The following PSMB2 variants were observed in gnomAD, a reference collection of about 807,000 sequenced individuals.
The protein encoded by PSMB2 is proteasome subunit beta type-2.
PSMB2 carries 13 observed loss-of-function variants against 25.7 expected under a neutral mutation model. That is an observed-to-expected ratio of 0.51 (90% confidence interval 0.33 to 0.80). The LOEUF (loss-of-function observed/expected upper bound fraction) is 0.80. PSMB2 is among the 30% of genes least tolerant of loss of function. PSMB2 has a pLI of 0.02. For missense variants in PSMB2, 202 were observed against 259.0 expected (o/e 0.78, Z 1.51); for synonymous variants, 87 against 96.2 (o/e 0.90, Z 0.56).
intron 1 of PSMB2, 67 bp downstream of exon 1, chr1:35,641,275 C>G: frequency 6.3e-7 from 1 of 1,592,164 alleles, no homozygotes; most frequent in Non-Finnish European, 8.6e-7. Context: ...TTATTCAACC[C>G]CCGACAAACT....
At chr1:35,631,198 T>C in intron 3 of PSMB2, 76 bp downstream of exon 3, 1 of 1,477,216 alleles carries the variant, frequency 6.8e-7, no homozygotes, top group Non-Finnish European at 9.5e-7. Flanking sequence ...AAAATACTAC[T>C]CATGTATAAT....
At chr1:35,616,061 T>C (rs966062954) in intron 3 of PSMB2, among the ~76,000 whole-genome samples, 2 of 151,538 alleles carry the variant, frequency 1.3e-5, no homozygotes, top group African/African-American at 4.8e-5. Flanking sequence ...CAGACTTAGA[T>C]AGGATAGAAA....
rs1356673386 is a variant in PSMB2, at chr1:35,600,560, C to CT, written c.*2706_*2707insA. On this transcript the variant is annotated 3_prime_UTR_variant, in exon 6 of 6. Coordinates refer to ENST00000373237, the MANE Select transcript of PSMB2 (RefSeq NM_002794.5). ...TTTCTGACTTGGGCACTTGGGAAAC[C>CT]AGGTAGCTCTAATTCTCTAAGACAG... The CT allele has an allele frequency of 2.0e-6, 2 of 985,192 alleles. No homozygotes were observed. The highest frequency in any genetic ancestry group is 2.4e-6 in the Non-Finnish European group (2 of 829,898). The allele number at this position is 985,192 out of a possible 1,614,324, so 61.0% of individuals were successfully genotyped here. A position where few individuals can be genotyped will look rare whatever the true frequency, so the allele number is the denominator to read the frequency against.
At chr1:35,617,894 G>A (rs1437832611) in intron 3 of PSMB2, among the ~76,000 whole-genome samples, 1 of 152,212 alleles carries the variant, frequency 6.6e-6, no homozygotes, top group Non-Finnish European at 1.5e-5. Flanking sequence ...TCCCTCTGCT[G>A]ATCCAAGCCT....
At position 35,600,153 on chromosome 1, in the gene PSMB2, CA is replaced by C. The variant is rs1649947501; in HGVS notation, c.*3113del. The C allele has an allele frequency of 1.0e-6, 1 of 976,416 alleles. No individual in the cohort carries two copies. The highest frequency in any genetic ancestry group is 6.2e-5 in the Admixed American group (1 of 16,224). 60.5% of individuals were successfully genotyped at this position (976,416 alleles called of 1,614,324 possible). ...GCAAGACCCTGTCTCTGAAAAACAA[CA>C]ATAAAAAATTATAATAAAATTAAAA... On this transcript the variant is annotated 3_prime_UTR_variant, in exon 6 of 6. Transcript: ENST00000373237.
chr1:35,600,613 G>A lies in PSMB2; in HGVS notation c.*2654C>T. ...TGTCATAGAGGCGGTTTGGAGAGGG[G>A]CAGATGGTAAGGCTCAGCTTTAGAC... On this transcript the variant is annotated 3_prime_UTR_variant, in exon 6 of 6. Coordinates refer to ENST00000373237, the MANE Select transcript of PSMB2 (RefSeq NM_002794.5). 2.0e-6 allele frequency: 2 copies of A among 985,440 alleles called. No individual in the cohort carries two copies. The highest frequency in any genetic ancestry group is 4.7e-5 in the South Asian group (1 of 21,286). 61.0% of individuals were successfully genotyped at this position (985,440 alleles called of 1,614,324 possible).
Position 35,600,094 on chromosome 1 carries a change from G to C in PSMB2, c.*3173C>G. 1 of 850,472 alleles carries C rather than the reference G, an allele frequency of 1.2e-6. No individual in the cohort carries two copies. Among genetic ancestry groups the C allele is most frequent in the Non-Finnish European group, 1.4e-6 (1 of 707,272 alleles). 52.7% of individuals were successfully genotyped at this position (850,472 alleles called of 1,614,324 possible). A position where few individuals can be genotyped will look rare whatever the true frequency, so the allele number is the denominator to read the frequency against. On this transcript the variant is annotated 3_prime_UTR_variant, in exon 6 of 6. Transcript: ENST00000373237. The stretch of plus-strand genomic sequence containing the variant: ...AAGTGAACTTACTGCAGTAAGCTAC[G>C]ATCGTGCCACTGTACTCCAGCCTAG...
intron 3 of PSMB2, among the ~76,000 whole-genome samples, chr1:35,618,156 G>A (rs566604944): frequency 8.5e-5 from 13 of 152,286 alleles, no homozygotes; most frequent in East Asian, 3.9e-4. Flanking sequence ...AAAGTAGAGG[G>A]GGCGGAGAGA....
At chr1:35,626,926 T>C (rs1441588048) in intron 3 of PSMB2, among the ~76,000 whole-genome samples, 1 of 152,152 alleles carries the variant, frequency 6.6e-6, no homozygotes, top group Non-Finnish European at 1.5e-5. Flanking sequence ...CAAAAGTTGA[T>C]TTAGCATTCA....
chr1:35,609,364 A>C lies in PSMB2; in HGVS notation c.330T>G (p.His110Gln), dbSNP rs368332888. The change falls in exon 4 of 6, where the codon CAT (histidine) becomes CAG (glutamine). Residue 110 changes from histidine to glutamine, a missense_variant. By Grantham distance (24) the His-to-Gln change is conservative (BLOSUM62 0). Coordinates refer to ENST00000373237, the MANE Select transcript of PSMB2 (RefSeq NM_002794.5). ...CCATGTAATACAGCGCTGGCCCTTC[A>C]TGCTCATCATAGCCAGCCAGGAGGA... ...VNLLLAGYDE[H>Q]EGPALYYMDY... The C allele has an allele frequency of 1.2e-6, 2 of 1,605,586 alleles. No homozygotes were observed. Among genetic ancestry groups the C allele is most frequent in the Admixed American group, 1.7e-5 (1 of 59,070 alleles).
intron 1 of PSMB2, among the ~76,000 whole-genome samples, chr1:35,637,342 T>C (rs1312193140): frequency 6.6e-6 from 1 of 152,224 alleles, no homozygotes; most frequent in East Asian, 1.9e-4. Context: ...GCAAAAATTC[T>C]AGTGAATATT....
chr1:35,625,617 C>A (rs920504727), intron 3 of PSMB2, among the ~76,000 whole-genome samples: 1 of 151,754 alleles, frequency 6.6e-6, no homozygotes, highest in African/African-American at 2.4e-5. Flanking sequence ...AAAAAAGTAG[C>A]CAGGCATGGT....
intron 1 of PSMB2, among the ~76,000 whole-genome samples, chr1:35,637,110 T>C (rs1651263948): frequency 6.6e-6 from 1 of 152,232 alleles, no homozygotes; most frequent in African/African-American, 2.4e-5. Flanking sequence ...CGATTATCTT[T>C]AGGCTCATGA....
intron 5 of PSMB2, among the ~76,000 whole-genome samples, chr1:35,604,941 T>C (rs192602803): frequency 6.6e-6 from 1 of 152,308 alleles, no homozygotes; most frequent in East Asian, 1.9e-4. Context: ...TGGCAATCTG[T>C]TTAACAGGTT....
At position 35,603,170 on chromosome 1, in the gene PSMB2, T is replaced by C; in HGVS notation, c.*97A>G. 6.7e-7 allele frequency: 1 copy of C among 1,502,704 alleles called. No homozygotes were observed. Among genetic ancestry groups the C allele is most frequent in the East Asian group, 2.3e-5 (1 of 43,158 alleles). 93.1% of individuals were successfully genotyped at this position (1,502,704 alleles called of 1,614,324 possible). A position where few individuals can be genotyped will look rare whatever the true frequency, so the allele number is the denominator to read the frequency against. On this transcript the variant is annotated 3_prime_UTR_variant, in exon 6 of 6. Coordinates refer to ENST00000373237, the MANE Select transcript of PSMB2 (RefSeq NM_002794.5). ...TATCCATAGTCACCTTTATTCTGAA[T>C]TAACCATTTATCAAGAGTGCGCCTG...
intron 4 of PSMB2, 109 bp from the exon 5 acceptor site, chr1:35,605,391 C>T: frequency 9.0e-7 from 1 of 1,113,620 alleles, no homozygotes; most frequent in Non-Finnish European, 1.3e-6. Context: ...CAGTGCCACA[C>T]AAACGTAAAA....
intron 3 of PSMB2, among the ~76,000 whole-genome samples, chr1:35,627,816 T>A (rs1209729735): frequency 6.6e-6 from 1 of 152,230 alleles, no homozygotes; most frequent in Non-Finnish European, 1.5e-5. Flanking sequence ...GACTATGCTC[T>A]TAACCACAAT....
intron 3 of PSMB2, among the ~76,000 whole-genome samples, chr1:35,628,361 G>A (rs1337739273): frequency 6.6e-6 from 1 of 151,586 alleles, no homozygotes; most frequent in East Asian, 1.9e-4. Flanking sequence ...TTCACTTAAT[G>A]TCTGTGATAT....
chr1:35,637,100 C>T (rs996694551), intron 1 of PSMB2, among the ~76,000 whole-genome samples: 19 of 152,054 alleles, frequency 1.2e-4, no homozygotes, highest in African/African-American at 3.9e-4. Flanking sequence ...CAGCCAATGG[C>T]GATTATCTTT....
Sources: allele counts gnomAD v4.1 joint callset (sites outside exome capture counted in the v4.1 genomes callset), GRCh38; gene constraint gnomAD v4.1.1; transcripts MANE v1.5; gene names NCBI Gene and HGNC (gene_info 2026-07-23, HGNC 2026-07-21).